PKIG: variants seen among roughly 807,000 people sequenced by gnomAD.
PKIG encodes cAMP-dependent protein kinase inhibitor gamma, also known as protein kinase (cAMP-dependent, catalytic) inhibitor gamma.
PKIG carries 1 observed loss-of-function variant against 6.8 expected under a neutral mutation model. The observed-to-expected ratio is 0.15, with a 90% CI of 0.05 to 0.69. The LOEUF is 0.69. Among genes scored for constraint, PKIG ranks in the 30% least tolerant of loss-of-function variants. The pLI, the probability that PKIG is intolerant of heterozygous loss-of-function variation, is 0.82. For missense variants in PKIG, 77 were observed against 104.0 expected (o/e 0.74, Z 1.13); for synonymous variants, 39 against 43.0 (o/e 0.91, Z 0.36).
chr20:44,590,185 G>A (rs1482481535), intron 2 of PKIG, among the ~76,000 whole-genome samples: 2 of 152,170 alleles, frequency 1.3e-5, no homozygotes, highest in Non-Finnish European at 2.9e-5. Flanking sequence ...ATCATACACA[G>A]GAGTTATTAG....
chr20:44,556,821 G>A (rs953313862), intron 1 of PKIG, among the ~76,000 whole-genome samples: 1 of 151,670 alleles, frequency 6.6e-6, no homozygotes, highest in Non-Finnish European at 1.5e-5. Context: ...TAGATATATA[G>A]GTTTAAGTCT....
intron 1 of PKIG, among the ~76,000 whole-genome samples, chr20:44,571,224 A>AAATAAT (rs140802204): frequency 2.8e-4 from 42 of 150,108 alleles, no homozygotes; most frequent in East Asian, 5.9e-4. Flanking sequence ...AGAGAGACTC[A>AAATAAT]AATAATAATA....
At chr20:44,615,869 T>C (rs1407397938) in intron 3 of PKIG, among the ~76,000 whole-genome samples, 2 of 152,116 alleles carry the variant, frequency 1.3e-5, no homozygotes, top group Non-Finnish European at 2.9e-5. Flanking sequence ...GAGGACTTGC[T>C]CTGGGCCACC....
chr20:44,575,563 C>T (rs916063759), intron 1 of PKIG, among the ~76,000 whole-genome samples: 2 of 152,172 alleles, frequency 1.3e-5, no homozygotes, highest in African/African-American at 4.8e-5. Flanking sequence ...TCCCATAGGC[C>T]TCTGCCCTGC....
chr20:44,586,946 T>G (rs2123367335), intron 1 of PKIG, among the ~76,000 whole-genome samples: 1 of 152,326 alleles, frequency 6.6e-6, no homozygotes, highest in South Asian at 2.1e-4. Context: ...ATTACAGGCT[T>G]TAGCTTGACT....
chr20:44,577,181 C>G (rs1041538481), intron 1 of PKIG, among the ~76,000 whole-genome samples: 5 of 152,066 alleles, frequency 3.3e-5, no homozygotes, highest in Non-Finnish European at 7.4e-5. Context: ...ATGATCTCAT[C>G]TCACTGCAAC....
chr20:44,544,749 G>T (rs2064595359), intron 1 of PKIG, among the ~76,000 whole-genome samples: 1 of 152,200 alleles, frequency 6.6e-6, no homozygotes, highest in African/African-American at 2.4e-5. Context: ...CCAAAACAGG[G>T]ATTCTGCAGC....
chr20:44,543,590 C>T (rs1177290201), intron 1 of PKIG, among the ~76,000 whole-genome samples: 2 of 152,166 alleles, frequency 1.3e-5, no homozygotes, highest in Non-Finnish European at 2.9e-5. Flanking sequence ...CCAAACTTGT[C>T]CTGGACAGAC....
At chr20:44,588,500 C>T (rs1050521308) in intron 1 of PKIG, among the ~76,000 whole-genome samples, 8 of 151,824 alleles carry the variant, frequency 5.3e-5, no homozygotes, top group Non-Finnish European at 7.4e-5. Context: ...AAAAATTAGC[C>T]GGGCGCGGTG....
intron 2 of PKIG, among the ~76,000 whole-genome samples, chr20:44,597,602 G>A (rs1165299776): frequency 6.6e-6 from 1 of 152,180 alleles, no homozygotes; most frequent in South Asian, 2.1e-4. Context: ...GACACAAACT[G>A]TCTTCAACCC....
chr20:44,616,174 T>G (rs2065262618), intron 3 of PKIG, among the ~76,000 whole-genome samples: 1 of 152,158 alleles, frequency 6.6e-6, no homozygotes, highest in South Asian at 2.1e-4. Context: ...CTCTTCATTC[T>G]TAGAGACCCA....
chr20:44,582,238 A>G (rs531985189), upstream of PKIG, among the ~76,000 whole-genome samples: 1 of 152,296 alleles, frequency 6.6e-6, no homozygotes, highest in East Asian at 1.9e-4. Context: ...ATACCAAAGA[A>G]AGGAATTAAA....
chr20:44,578,328 C>CAA (rs3092061), upstream of PKIG, among the ~76,000 whole-genome samples: 15 of 87,246 alleles, frequency 1.7e-4, no homozygotes, highest in African/African-American at 3.2e-4. Flanking sequence ...GACTCCATCT[C>CAA]AAAAAAAAAA....
At chr20:44,540,989 G>C (rs244128) in intron 1 of PKIG, among the ~76,000 whole-genome samples, 62,746 of 152,100 alleles carry the variant, frequency 0.41, 15,523 homozygotes, top group Non-Finnish European at 0.57. Context: ...TAGTTGGTTG[G>C]AGAGGGGAAG....
chr20:44,606,482 C>T (rs937501660), intron 2 of PKIG, among the ~76,000 whole-genome samples: 2 of 152,106 alleles, frequency 1.3e-5, no homozygotes, highest in African/African-American at 2.4e-5. Context: ...CATGAGGGCT[C>T]CTTCCTTGTG....
rs1258314095 is a variant in PKIG, at chr20:44,614,749, C to T, written c.151+42C>T. ...CCTTGGCACTACTGCATGCCAGAGGCCCTCTGCCGGGCCCCGGGCTAGCCT... is the reference window on the plus strand; with the variant it reads ...CCTTGGCACTACTGCATGCCAGAGGTCCTCTGCCGGGCCCCGGGCTAGCCT... On this transcript the variant is annotated intron_variant, in intron 3 of 3. Transcript: ENST00000372886. The surrounding 1 kb of genome is among the most constrained non-coding windows in gnomAD (Gnocchi z 4.6). 6.2e-7 allele frequency: 1 copy of T among 1,607,056 alleles called. No individual in the cohort carries two copies. The highest frequency in any genetic ancestry group is 8.5e-7 in the Non-Finnish European group (1 of 1,176,494).
intron 1 of PKIG, among the ~76,000 whole-genome samples, chr20:44,568,979 A>G (rs1470260304): frequency 6.6e-6 from 1 of 152,216 alleles, no homozygotes; most frequent in African/African-American, 2.4e-5. Flanking sequence ...AGATTCTTAG[A>G]TGTAAGATGA....
chr20:44,558,608 T>TTCTTTCTTTCTTTCTTTC (rs1291692280), intron 1 of PKIG, among the ~76,000 whole-genome samples: 2 of 150,428 alleles, frequency 1.3e-5, no homozygotes, highest in Non-Finnish European at 3.0e-5. Flanking sequence ...CTTTCTTTCT[T>TTCTTTCTTTCTTTCTTTC]TCTTTCTCAT....
intron 1 of PKIG, among the ~76,000 whole-genome samples, chr20:44,576,187 G>A (rs1468191643): frequency 6.6e-6 from 1 of 151,754 alleles, no homozygotes; most frequent in Non-Finnish European, 1.5e-5. Context: ...GTGTGTGTGT[G>A]TGTGTGTGTG....
Sources: allele counts gnomAD v4.1 joint callset (sites outside exome capture counted in the v4.1 genomes callset), GRCh38; gene constraint gnomAD v4.1.1; non-coding constraint Gnocchi (gnomAD v3.1); transcripts MANE v1.5; gene names NCBI Gene and HGNC (gene_info 2026-07-23, HGNC 2026-07-21).